Variants in PMPCB observed in about 807,000 individuals in gnomAD.
PMPCB encodes the protein mitochondrial-processing peptidase subunit beta.
Under a neutral mutation model 61.5 loss-of-function variants are expected in PMPCB, and 46 were observed. That is an observed-to-expected ratio of 0.75 (90% CI 0.59 to 0.96). The LOEUF is 0.96. Among genes scored for constraint, PMPCB ranks in the 40% least tolerant of loss-of-function variants. The pLI, the probability that PMPCB is intolerant of heterozygous loss-of-function variation, is 0.00. For missense variants in PMPCB, 590 were observed against 602.4 expected, an observed-to-expected ratio of 0.98 and a Z score of 0.22; for synonymous variants, 191 against 201.6, an observed-to-expected ratio of 0.95 and a Z score of 0.44.
chr7:103,335,780 A>G, the PMPCB span: 1 of 152,274 alleles, frequency 6.6e-6, no homozygotes, highest in Non-Finnish European at 1.5e-5. Flanking sequence ...TCCAGCCTCA[A>G]GTAATCTGCC....
intron 6 of PMPCB, among the ~76,000 whole-genome samples, chr7:103,305,787 A>G (rs1004929447): frequency 1.3e-5 from 2 of 152,320 alleles, no homozygotes; most frequent in Admixed American, 6.5e-5. Context: ...GCACTCTGAA[A>G]TTCTCTTGAG....
chr7:103,344,483 C>A, the PMPCB span: 1 of 1,548,610 alleles, frequency 6.5e-7, no homozygotes, highest in East Asian at 2.2e-5. Context: ...GTAGAGAGAG[C>A]CCAGGGTTGC....
intron 4 of PMPCB, 65 bp from the exon 5 acceptor site, chr7:103,303,777 T>C: frequency 8.5e-7 from 1 of 1,175,070 alleles, no homozygotes. Context: ...GATTTTGGTT[T>C]AATAGATTTT....
rs770016157 is a variant in PMPCB, at chr7:103,326,728, A to AT, written c.*1432-2197dup. ...AGATCACATCACCATAACTTTACCTATTTTTTCCTGCAAGAAAACAAGTAT... is the reference window on the plus strand; with the variant it reads ...AGATCACATCACCATAACTTTACCTATTTTTTTCCTGCAAGAAAACAAGTAT... On this transcript the variant is annotated intron_variant and NMD_transcript_variant, in intron 12 of 12. Transcript: ENST00000444457. 5 of 1,540,856 alleles carry AT rather than the reference A, an allele frequency of 3.2e-6. No individual in the cohort carries two copies. The South Asian group carries it at 4.9e-5, about 15-fold the overall frequency.
Position 103,309,078 on chromosome 7 carries a change from T to A in PMPCB, c.976T>A (p.Ser326Thr), listed in dbSNP as rs149419275. 1.9e-6 allele frequency: 3 copies of A among 1,604,542 alleles called. No homozygotes were observed. The African/African-American group carries it at 4.0e-5, about 22-fold the overall frequency. The change falls in exon 8 of 13, where the codon TCT (serine) becomes ACT (threonine). Residue 326 changes from serine to threonine, a missense_variant. By Grantham distance (58) the Ser-to-Thr change is moderately conservative. Coordinates refer to ENST00000249269, the MANE Select transcript of PMPCB (RefSeq NM_004279.3). ...CACGCTGATTGGCAACTGGGATCGC[T>A]CTTTTGGGGGAGGAATGGTAAGTGA... ...ANTLIGNWDR[S>T]FGGGMNLSSK...
chr7:103,311,130 AAAC>A (rs1817735140), intron 9 of PMPCB: 1 of 152,886 alleles, frequency 6.5e-6, no homozygotes, highest in African/African-American at 2.4e-5. Context: ...TGCTAAAAGA[AAAC>A]AAAGTATATT....
In PMPCB at chr7:103,310,332, G is replaced by C; in HGVS notation, c.1011G>C (p.Leu337=). ...FGGGMNLSSK[L]AQLTCHGNLC... ...CCTTGCAGAATTTATCTAGCAAGCT[G>C]GCCCAGCTCACTTGTCATGGCAATC... The change falls in exon 9 of 13, where the codon CTG becomes CTC. Residue 337 remains leucine (L), a synonymous_variant. Transcript: ENST00000249269. 1.2e-6 allele frequency: 2 copies of C among 1,612,496 alleles called. No homozygotes were observed. The highest frequency in any genetic ancestry group is 8.5e-7 in the Non-Finnish European group (1 of 1,179,406).
chr7:103,322,416 A>G (rs1393734690), intron 12 of PMPCB: 2 of 1,240,176 alleles, frequency 1.6e-6, no homozygotes, highest in Non-Finnish European at 2.2e-6. Flanking sequence ...CTGCTTTCGA[A>G]TTATAGTTTT....
Position 103,312,527 on chromosome 7 carries a change from A to C in PMPCB, c.*256A>C. 6.3e-7 allele frequency: 1 copy of C among 1,592,990 alleles called. No individual in the cohort carries two copies. The highest frequency in any genetic ancestry group is 1.2e-5 in the South Asian group (1 of 86,374). Reference sequence around the variant, plus strand: ...TTTTAAGAATGAAAATGTTTACAGTATTTTCAGTTTTATTATAAAAATGCA... The same window carrying C: ...TTTTAAGAATGAAAATGTTTACAGTCTTTTCAGTTTTATTATAAAAATGCA... On this transcript the variant is annotated 3_prime_UTR_variant, in exon 13 of 13. Transcript: ENST00000249269.
At position 103,314,522 on chromosome 7, in the gene PMPCB, TC is replaced by T; in HGVS notation, c.*2256del. The T allele has an allele frequency of 1.0e-6, 1 of 985,204 alleles. No individual in the cohort carries two copies. The highest frequency in any genetic ancestry group is 1.2e-6 in the Non-Finnish European group (1 of 829,904). The allele number at this position is 985,204 out of a possible 1,614,324, so 61.0% of individuals were successfully genotyped here. A position where few individuals can be genotyped will look rare whatever the true frequency, so the allele number is the denominator to read the frequency against. On this transcript the variant is annotated 3_prime_UTR_variant, in exon 13 of 13. Transcript: ENST00000249269. ...CACCTCCCTCCAACATGGAAACAAG[TC>T]CCCCTAAGAAAGAGCTGAGACTAGT... is the stretch of plus-strand genomic sequence containing the variant.
chr7:103,328,632 AAAAG>A (rs1171497206), intron 12 of PMPCB, among the ~76,000 whole-genome samples: 1 of 149,460 alleles, frequency 6.7e-6, no homozygotes, highest in African/African-American at 2.6e-5. Flanking sequence ...CTCTGTGTCA[AAAAG>A]AAGAAGAAGA....
chr7:103,313,130 C>T lies in PMPCB; in HGVS notation c.*859C>T. 1 of 1,589,616 alleles carries T rather than the reference C, an allele frequency of 6.3e-7. No individual in the cohort carries two copies. Among genetic ancestry groups the T allele is most frequent in the Non-Finnish European group, 8.5e-7 (1 of 1,171,516 alleles). ...ATTAAGAAAAATTTTTATTTGAAAA[C>T]TGTCTTTGAACATGTTCTCAGACAA... On this transcript the variant is annotated 3_prime_UTR_variant, in exon 13 of 13. Transcript: ENST00000249269.
At position 103,313,850 on chromosome 7, in the gene PMPCB, T is replaced by C. The variant is rs1321079190; in HGVS notation, c.*1579T>C. On this transcript the variant is annotated 3_prime_UTR_variant, in exon 13 of 13. Coordinates refer to ENST00000249269, the MANE Select transcript of PMPCB (RefSeq NM_004279.3). ...TAGGTAAAAGTAGAATGTTAAGTGG[T>C]AGAAAGCTGATTTGGTTAAGTTAAT... is the stretch of plus-strand genomic sequence containing the variant. 8 of 985,230 alleles carry C rather than the reference T, an allele frequency of 8.1e-6. No homozygotes were observed. The allele number at this position is 985,230 out of a possible 1,614,324, so 61.0% of individuals were successfully genotyped here.
chr7:103,326,627 G>A, intron 12 of PMPCB: 2 of 1,557,250 alleles, frequency 1.3e-6, no homozygotes, highest in Non-Finnish European at 1.7e-6. Context: ...GTTATCAAAA[G>A]TAGGATCTAC....
In PMPCB at chr7:103,309,049, C is replaced by T. The variant is rs1817665608; in HGVS notation, c.947C>T (p.Ala316Val). 9.3e-6 allele frequency: 15 copies of T among 1,605,860 alleles called. No homozygotes were observed. The highest frequency in any genetic ancestry group is 1.3e-5 in the Non-Finnish European group (15 of 1,175,556). Residue 316 changes from alanine to valine, a missense_variant, in exon 8 of 13, where the codon GCA becomes GTA. Physicochemically the swap from Ala to Val is moderately conservative, Grantham distance 64. Transcript: ENST00000249269. ...AHPDTICLMVANTLIGNWDRS... is the reference protein window; with the variant it reads ...AHPDTICLMVVNTLIGNWDRS... ...CCAGATACAATCTGTCTCATGGTTG[C>T]AAACACGCTGATTGGCAACTGGGAT...
the PMPCB span, among the ~76,000 whole-genome samples, chr7:103,339,573 C>T: frequency 6.6e-6 from 1 of 152,140 alleles, no homozygotes. Context: ...TCAATGAGGA[C>T]ACCGAAACTT....
downstream of PMPCB, among the ~76,000 whole-genome samples, chr7:103,331,061 C>T (rs1186163822): frequency 2.0e-5 from 3 of 152,034 alleles, no homozygotes; most frequent in South Asian, 2.1e-4. Context: ...TGGGTTCCAG[C>T]GATTCTCCTG....
chr7:103,319,871 T>G (rs1818284900), intron 12 of PMPCB: 1 of 1,608,782 alleles, frequency 6.2e-7, no homozygotes, highest in African/African-American at 1.3e-5. Context: ...AAAAATAGTA[T>G]CTACACTCAA....
At chr7:103,325,575 C>G (rs1818662979) in intron 12 of PMPCB, among the ~76,000 whole-genome samples, 1 of 152,166 alleles carries the variant, frequency 6.6e-6, no homozygotes, top group South Asian at 2.1e-4. Context: ...ACCTGGGAGC[C>G]TTAAAAATCC....
Sources: allele counts gnomAD v4.1 joint callset (sites outside exome capture counted in the v4.1 genomes callset), GRCh38; gene constraint gnomAD v4.1.1; transcripts MANE v1.5; gene names NCBI Gene and HGNC (gene_info 2026-07-23, HGNC 2026-07-21).